Variants in PCDHGB1 observed in about 807,000 individuals in gnomAD.
The protein encoded by PCDHGB1 is protocadherin gamma-B1.
Under a neutral mutation model 56.6 loss-of-function variants are expected in PCDHGB1, and 34 were observed. That is an observed-to-expected ratio of 0.60 (90% CI 0.46 to 0.80). The LOEUF is 0.80. Among genes scored for constraint, PCDHGB1 ranks in the 30% least tolerant of loss-of-function variants. PCDHGB1 has a pLI of 0.00. For synonymous variants in PCDHGB1, 561 were observed against 505.9 expected (o/e 1.11, Z -1.46); for missense variants, 1,278 against 1,204.6 (o/e 1.06, Z -0.90).
intron 3 of PCDHGB1, among the ~76,000 whole-genome samples, chr5:141,509,596 G>A (rs538867815): frequency 1.3e-5 from 2 of 152,258 alleles, no homozygotes; most frequent in Admixed American, 6.5e-5. Context: ...TGGCAATTCC[G>A]AGAGGCTGCA....
intron 1 of PCDHGB1, chr5:141,357,433 G>A (rs747311538): frequency 1.9e-6 from 3 of 1,614,090 alleles, no homozygotes; most frequent in Non-Finnish European, 2.5e-6. Flanking sequence ...GGGCGTGGAC[G>A]GGGTTCGGGC....
At chr5:141,423,397 C>T (rs759822483) in intron 1 of PCDHGB1, 3 of 1,614,146 alleles carry the variant, frequency 1.9e-6, no homozygotes, top group East Asian at 2.2e-5. Context: ...GCATAAGTCA[C>T]GCCTGCTGCA....
rs3806835 is a variant in PCDHGB1, at chr5:141,370,079, T to C, written c.2409+17410T>C. On this transcript the variant is annotated intron_variant, in intron 1 of 3. Transcript: ENST00000523390. ...GTCCTTTTAAAATGGGAAGAAAGTATCACTATCAGTACACTGCCGATTTTT... is the reference window on the plus strand; with the variant it reads ...GTCCTTTTAAAATGGGAAGAAAGTACCACTATCAGTACACTGCCGATTTTT... Among the ~76,000 whole-genome samples, 56 of 152,350 alleles carry C rather than the reference T, an allele frequency of 3.7e-4. No homozygotes were observed. The East Asian group carries it at 0.011, about 29-fold the overall frequency.
Position 141,350,135 on chromosome 5 carries a change from C to T in PCDHGB1, c.-126C>T, listed in dbSNP as rs898820014. On this transcript the variant is annotated 5_prime_UTR_variant, in exon 1 of 4. Coordinates refer to ENST00000523390, the MANE Select transcript of PCDHGB1 (RefSeq NM_018922.3). ...TTGTCCGGTGCACTGAGCACAGACG[C>T]TGCTCCTGTTCACCCTCGAGCGCCT... 1 of 753,636 alleles carries T rather than the reference C, an allele frequency of 1.3e-6. No homozygotes were observed. Among genetic ancestry groups the T allele is most frequent in the Non-Finnish European group, 1.9e-6 (1 of 512,846 alleles). The allele number at this position is 753,636 out of a possible 1,614,324, so 46.7% of individuals were successfully genotyped here. A position where few individuals can be genotyped will look rare whatever the true frequency, so the allele number is the denominator to read the frequency against.
At chr5:141,399,479 C>G (rs774561101) in intron 1 of PCDHGB1, 2 of 1,614,032 alleles carry the variant, frequency 1.2e-6, no homozygotes, top group East Asian at 4.5e-5. Context: ...TTCCACCAGG[C>G]GTCCTACTTA....
intron 1 of PCDHGB1, among the ~76,000 whole-genome samples, chr5:141,464,221 C>T (rs570804761): frequency 2.9e-4 from 44 of 149,624 alleles, no homozygotes; most frequent in African/African-American, 9.6e-4. Flanking sequence ...GCTGAGATTG[C>T]GCCACTGCAC....
At chr5:141,370,763 C>T (rs1309192707) in intron 1 of PCDHGB1, 1 of 1,613,816 alleles carries the variant, frequency 6.2e-7, no homozygotes, top group African/African-American at 1.3e-5. Context: ...CTGTGCTGAT[C>T]CAGGATATTA....
chr5:141,427,991 C>T (rs748924488), intron 1 of PCDHGB1: 1 of 1,599,024 alleles, frequency 6.3e-7, no homozygotes, highest in Non-Finnish European at 8.6e-7. Context: ...GGCCCGATGG[C>T]TCCGCACTCT....
chr5:141,387,885 A>G, intron 1 of PCDHGB1: 2 of 1,578,800 alleles, frequency 1.3e-6, no homozygotes, highest in Non-Finnish European at 1.7e-6. Context: ...AGCAAGAGGG[A>G]TGGGGAGCGG....
intron 1 of PCDHGB1, chr5:141,355,286 A>G (rs1466642176): frequency 6.2e-7 from 1 of 1,613,786 alleles, no homozygotes; most frequent in Admixed American, 1.7e-5. Context: ...ATCAGGGCCG[A>G]ACAGATTCTC....
At chr5:141,441,298 T>C (rs1289976355) in intron 1 of PCDHGB1, 1 of 152,150 alleles carries the variant, frequency 6.6e-6, no homozygotes, top group Non-Finnish European at 1.5e-5. Flanking sequence ...ATGTCTGATA[T>C]AAGAAAATGC....
chr5:141,439,310 A>G lies in PCDHGB1; in HGVS notation c.2410-55497A>G, dbSNP rs775009481. ...TCCATGGAAAAAGTAAAGCCCAGGCATGGAAGTGGGAATGGAAAGAAAGAT... is the reference window on the plus strand; with the variant it reads ...TCCATGGAAAAAGTAAAGCCCAGGCGTGGAAGTGGGAATGGAAAGAAAGAT... On this transcript the variant is annotated intron_variant, in intron 1 of 3. Transcript: ENST00000523390. 1.6e-4 allele frequency among the ~76,000 whole-genome samples: 24 copies of G among 152,320 alleles called. No homozygotes were observed. In the South Asian group the frequency reaches 4.1e-3, roughly 26 times the overall value.
chr5:141,352,731 T>C lies in PCDHGB1; in HGVS notation c.2409+62T>C, dbSNP rs1759098100. ...GCGGCCGGGCGCGGTGGCTCAAGCC[T>C]GTAATCCCAGCACTTAACCAGGCTG... On this transcript the variant is annotated intron_variant, in intron 1 of 3. Transcript: ENST00000523390. 2.0e-6 allele frequency: 3 copies of C among 1,516,406 alleles called. No homozygotes were observed. The East Asian group carries it at 7.4e-5, about 37-fold the overall frequency. 93.9% of individuals were successfully genotyped at this position (1,516,406 alleles called of 1,614,324 possible). A position where few individuals can be genotyped will look rare whatever the true frequency, so the allele number is the denominator to read the frequency against.
Position 141,393,710 on chromosome 5 carries a change from G to T in PCDHGB1, c.2409+41041G>T, listed in dbSNP as rs143738602. On this transcript the variant is annotated intron_variant, in intron 1 of 3. Transcript: ENST00000523390. Reference sequence around the variant, plus strand: ...TATTCCAGCTTAATGAAAATACTGGGGAAATATCAATAGCAAAAAGTCTAG... The same window carrying T: ...TATTCCAGCTTAATGAAAATACTGGTGAAATATCAATAGCAAAAAGTCTAG... 837 of 1,613,794 alleles carry T rather than the reference G, an allele frequency of 5.2e-4. 2 individuals carry two copies. In the African/African-American group the frequency reaches 1.0e-2, roughly 19 times the overall value.
intron 1 of PCDHGB1, chr5:141,415,014 C>T (rs747951360): frequency 1.2e-6 from 2 of 1,613,620 alleles, no homozygotes; most frequent in Non-Finnish European, 1.7e-6. Context: ...ACCGTCTGCT[C>T]AAGGCCAGCG....
At chr5:141,393,435 C>T in intron 1 of PCDHGB1, 1 of 1,614,014 alleles carries the variant, frequency 6.2e-7, no homozygotes. Context: ...AGAGGCTGCT[C>T]ACCACCTGGT....
At position 141,389,973 on chromosome 5, in the gene PCDHGB1, A is replaced by C. The variant is rs375422602; in HGVS notation, c.2409+37304A>C. On this transcript the variant is annotated intron_variant, in intron 1 of 3. Coordinates refer to ENST00000523390, the MANE Select transcript of PCDHGB1 (RefSeq NM_018922.3). Reference sequence around the variant, plus strand: ...TTACCTAGTGGTGGCCTTGGCCTTGATCTCAGTGCTCTTCCTCGTGGCCAT... The same window carrying C: ...TTACCTAGTGGTGGCCTTGGCCTTGCTCTCAGTGCTCTTCCTCGTGGCCAT... 82 of 1,613,684 alleles carry C rather than the reference A, an allele frequency of 5.1e-5. No homozygotes were observed. The highest frequency in any genetic ancestry group is 6.5e-5 in the Non-Finnish European group (77 of 1,179,850).
chr5:141,476,053 A>G lies in PCDHGB1; in HGVS notation c.2410-18754A>G. 2 of 1,501,944 alleles carry G rather than the reference A, an allele frequency of 1.3e-6. No homozygotes were observed. Among genetic ancestry groups the G allele is most frequent in the Non-Finnish European group, 1.8e-6 (2 of 1,131,392 alleles). 93.0% of individuals were successfully genotyped at this position (1,501,944 alleles called of 1,614,324 possible). ...CAGCGCCCAAGCGCTAACCCGCTGA[A>G]AGTTTCTCAGCGAAATCTCAGGGAC... On this transcript the variant is annotated intron_variant, in intron 1 of 3. Coordinates refer to ENST00000523390, the MANE Select transcript of PCDHGB1 (RefSeq NM_018922.3). The surrounding 1 kb of genome is among the most constrained non-coding windows in gnomAD (Gnocchi z 7.6).
In PCDHGB1 at chr5:141,482,843, G is replaced by T. The variant is rs1005014887; in HGVS notation, c.2410-11964G>T. On this transcript the variant is annotated intron_variant, in intron 1 of 3. Transcript: ENST00000523390. ...TCCTAGCACTTTGGGAGGCCAAGGT[G>T]GGCAGATCACTTGAGGTCAGGAGTT... Among the ~76,000 whole-genome samples the T allele has an allele frequency of 4.3e-5, 6 of 140,152 alleles. No homozygotes were observed. The South Asian group carries it at 8.6e-4, about 20-fold the overall frequency. 91.9% of individuals were successfully genotyped at this position (140,152 alleles called of 152,430 possible).
Sources: gnomAD v4.1 joint callset for allele counts (sites outside exome capture counted in the v4.1 genomes callset) on GRCh38, gnomAD v4.1.1 for gene constraint, Gnocchi (gnomAD v3.1) non-coding constraint, MANE v1.5 for transcripts, NCBI Gene and HGNC (gene_info 2026-07-23, HGNC 2026-07-21) for gene names.